Variants in KHDC4 observed in about 807,000 individuals in gnomAD.
KHDC4 encodes KH homology domain-containing protein 4.
KHDC4 carries 19 observed loss-of-function variants against 74.5 expected under a neutral mutation model. The observed-to-expected ratio is 0.26, with a 90% CI of 0.18 to 0.37. The LOEUF (loss-of-function observed/expected upper bound fraction) is 0.37, where lower values mean the gene tolerates loss of function less well. Ranked by LOEUF, KHDC4 falls within the 10% of genes least tolerant of loss-of-function variation. The pLI is 1.00. For synonymous variants in KHDC4, 253 were observed against 266.1 expected, an observed-to-expected ratio of 0.95 and a Z score of 0.48; for missense variants, 632 against 754.1, an observed-to-expected ratio of 0.84 and a Z score of 1.90.
chr1:155,925,524 T>A, intron 7 of KHDC4, 108 bp downstream of exon 7: 1 of 811,376 alleles, frequency 1.2e-6, no homozygotes, highest in South Asian at 1.5e-5. Context: ...TCTAAATCCC[T>A]CATTACTATT....
At chr1:155,933,562 G>C in intron 2 of KHDC4, 71 bp downstream of exon 2, 1 of 1,260,822 alleles carries the variant, frequency 7.9e-7, no homozygotes, top group South Asian at 1.4e-5. Flanking sequence ...GGGATTACAG[G>C]CGTAAGCCAC....
At chr1:155,930,513 G>C (rs1475783147) in intron 2 of KHDC4, among the ~76,000 whole-genome samples, 1 of 152,174 alleles carries the variant, frequency 6.6e-6, no homozygotes, top group African/African-American at 2.4e-5. Context: ...AAAGGGCCAA[G>C]TTATGATACT....
At chr1:155,929,214 GTA>G in intron 4 of KHDC4, 80 bp downstream of exon 4, 2 of 934,220 alleles carry the variant, frequency 2.1e-6, no homozygotes, top group Non-Finnish European at 3.5e-6. Context: ...TTGTGTACAC[GTA>G]TTACCTAAGG....
At chr1:155,924,234 G>T (rs1192004612) in intron 7 of KHDC4, among the ~76,000 whole-genome samples, 1 of 152,130 alleles carries the variant, frequency 6.6e-6, no homozygotes, top group Non-Finnish European at 1.5e-5. Flanking sequence ...GGAGGCGACA[G>T]AATCTTGCTC....
chr1:155,934,266 C>A, intron 1 of KHDC4, 70 bp downstream of exon 1: 1 of 1,508,488 alleles, frequency 6.6e-7, no homozygotes, highest in South Asian at 1.1e-5. Context: ...CTATACGCAG[C>A]TTCTCAGGGT....
At position 155,915,343 on chromosome 1, in the gene KHDC4, A is replaced by G. The variant is rs1251230330; in HGVS notation, c.1645+530T>C. ...ACCATGTTAGCCACGCTGGTCTCAA[A>G]CTCCTGACCTCAGGTTATCCGCCCA... On this transcript the variant is annotated intron_variant, in intron 13 of 13. Transcript: ENST00000368321. 2.0e-5 allele frequency: 3 copies of G among 151,770 alleles called. No homozygotes were observed. In the East Asian group the frequency reaches 5.8e-4, roughly 29 times the overall value. The allele number at this position is 151,770 out of a possible 1,614,324, so 9.4% of individuals were successfully genotyped here.
intron 4 of KHDC4, among the ~76,000 whole-genome samples, chr1:155,927,821 A>C (rs1221915197): frequency 5.1e-4 from 53 of 103,668 alleles, no homozygotes; most frequent in Non-Finnish European, 8.5e-4. Context: ...AAAAAAAAAA[A>C]AAAAAAAAAA....
chr1:155,931,003 C>A (rs961687491), intron 2 of KHDC4, among the ~76,000 whole-genome samples: 2 of 151,536 alleles, frequency 1.3e-5, no homozygotes, highest in Non-Finnish European at 2.9e-5. Flanking sequence ...AAGAGCAAAA[C>A]TCTGTCTCAA....
intron 12 of KHDC4, 66 bp downstream of exon 12, chr1:155,916,559 C>G: frequency 9.6e-7 from 1 of 1,044,024 alleles, no homozygotes; most frequent in Non-Finnish European, 1.5e-6. Context: ...TAGCAATGAT[C>G]ATTACTCTCA....
At chr1:155,921,351 T>C (rs200520724) in intron 10 of KHDC4, 24 bp downstream of exon 10, 1 of 1,610,926 alleles carries the variant, frequency 6.2e-7, no homozygotes, top group African/African-American at 1.3e-5. Context: ...CAGTAATATG[T>C]TGTTGCATAT....
chr1:155,922,523 TA>T (rs776924935), intron 8 of KHDC4, among the ~76,000 whole-genome samples: 3 of 152,192 alleles, frequency 2.0e-5, no homozygotes, highest in Non-Finnish European at 4.4e-5. Context: ...CTGAATCCCC[TA>T]AACCATACTC....
intron 5 of KHDC4, 110 bp from the exon 6 acceptor site, chr1:155,926,949 T>G: frequency 1.5e-6 from 2 of 1,357,084 alleles, no homozygotes; most frequent in Non-Finnish European, 1.1e-6. Context: ...CCCAAATATG[T>G]GGCTCTCCAT....
intron 3 of KHDC4, 112 bp downstream of exon 3, chr1:155,929,600 T>C (rs1674099452): frequency 3.2e-6 from 4 of 1,254,878 alleles, no homozygotes; most frequent in African/African-American, 1.5e-5. Flanking sequence ...ATCCTGACTT[T>C]AGAGACTATG....
At chr1:155,929,094 T>A (rs1390519175) in intron 4 of KHDC4, among the ~76,000 whole-genome samples, 2 of 152,186 alleles carry the variant, frequency 1.3e-5, no homozygotes, top group Non-Finnish European at 2.9e-5. Context: ...ATAAAAACAT[T>A]AAATGTGAAA....
In KHDC4 at chr1:155,921,848, A is replaced by G; in HGVS notation, c.1012+13T>C. On this transcript the variant is annotated intron_variant, in intron 9 of 13. Coordinates refer to ENST00000368321, the MANE Select transcript of KHDC4 (RefSeq NM_014949.4). ...TAGCAAAATATTTTTTAAACACTTCAAGATGTACACACCTGGTAAAGGTAC... is the reference window on the plus strand; with the variant it reads ...TAGCAAAATATTTTTTAAACACTTCGAGATGTACACACCTGGTAAAGGTAC... 1 of 1,585,808 alleles carries G rather than the reference A, an allele frequency of 6.3e-7. No homozygotes were observed. The highest frequency in any genetic ancestry group is 8.6e-7 in the Non-Finnish European group (1 of 1,156,616).
Position 155,913,238 on chromosome 1 carries a change from A to G in KHDC4, c.*883T>C, listed in dbSNP as rs1019907247. 4 of 152,790 alleles carry G rather than the reference A, an allele frequency of 2.6e-5. No homozygotes were observed. Among genetic ancestry groups the G allele is most frequent in the South Asian group, 2.1e-4 (1 of 4,832 alleles). 9.5% of individuals were successfully genotyped at this position (152,790 alleles called of 1,614,324 possible). On this transcript the variant is annotated 3_prime_UTR_variant, in exon 14 of 14. Transcript: ENST00000368321. Reference sequence around the variant, plus strand: ...TTCACACATCAATATTTGATACAAAAAGTTATTTTGGCAAAATCTGTAATG... The same window carrying G: ...TTCACACATCAATATTTGATACAAAGAGTTATTTTGGCAAAATCTGTAATG...
At chr1:155,931,102 G>A (rs1318229797) in intron 2 of KHDC4, among the ~76,000 whole-genome samples, 1 of 151,840 alleles carries the variant, frequency 6.6e-6, no homozygotes, top group African/African-American at 2.4e-5. Flanking sequence ...AGGGTGGATC[G>A]CTTGAGCCCA....
chr1:155,922,312 G>GT (rs1417271615), intron 8 of KHDC4, among the ~76,000 whole-genome samples: 1 of 151,912 alleles, frequency 6.6e-6, no homozygotes, highest in South Asian at 2.1e-4. Flanking sequence ...CACCCAGCTA[G>GT]TTTTTGTATT....
intron 7 of KHDC4, 56 bp downstream of exon 7, chr1:155,925,576 G>A: frequency 7.0e-7 from 1 of 1,421,650 alleles, no homozygotes; most frequent in Non-Finnish European, 9.9e-7. Context: ...AATCACTCCT[G>A]ACTGTACCAA....
Sources: allele counts gnomAD v4.1 joint callset (sites outside exome capture counted in the v4.1 genomes callset), GRCh38; gene constraint gnomAD v4.1.1; transcripts MANE v1.5; gene names NCBI Gene and HGNC (gene_info 2026-07-23, HGNC 2026-07-21).